TRANK1: variants seen among roughly 807,000 people sequenced by gnomAD.
The protein encoded by TRANK1 is tetratricopeptide repeat and ankyrin repeat containing 1.
A neutral mutation model predicts 266.0 loss-of-function variants in TRANK1; 198 were observed. That is an observed-to-expected ratio of 0.74 (90% CI 0.66 to 0.84). The LOEUF is 0.84. TRANK1 is among the 40% of genes least tolerant of loss of function. The pLI is 0.00. For synonymous variants in TRANK1, 1,396 were observed against 1,384.1 expected (o/e 1.01, Z -0.19); for missense variants, 3,326 against 3,634.6 (o/e 0.92, Z 2.18).
intron 6 of TRANK1, among the ~76,000 whole-genome samples, chr3:36,892,638 G>A (rs1415564592): frequency 6.6e-6 from 1 of 152,122 alleles, no homozygotes; most frequent in Non-Finnish European, 1.5e-5. Context: ...AGACCAGCCA[G>A]GCCAACATGG....
intron 1 of TRANK1, 68 bp from the exon 2 acceptor site, chr3:36,908,522 T>C (rs368313249): frequency 8.1e-7 from 1 of 1,231,984 alleles, no homozygotes; most frequent in East Asian, 3.2e-5. Flanking sequence ...CCGGTCTGCA[T>C]TGCTGAAATC....
At chr3:36,841,750 G>A (rs953635208) in intron 18 of TRANK1, among the ~76,000 whole-genome samples, 28 of 152,176 alleles carry the variant, frequency 1.8e-4, no homozygotes, top group Admixed American at 1.3e-4. Context: ...ACTTGGAACT[G>A]CCACAGGAGC....
chr3:36,916,808 T>TTTTTTTG (rs1553630200), intron 1 of TRANK1, among the ~76,000 whole-genome samples: 3 of 151,916 alleles, frequency 2.0e-5, no homozygotes, highest in Non-Finnish European at 4.4e-5. Context: ...TTTTTGTTTT[T>TTTTTTTG]TTTTTTGTTT....
intron 1 of TRANK1, among the ~76,000 whole-genome samples, chr3:36,915,799 T>C (rs761691947): frequency 2.6e-5 from 4 of 152,208 alleles, no homozygotes; most frequent in Non-Finnish European, 5.9e-5. Flanking sequence ...TCTGTTGGAA[T>C]TGACATTTAA....
At chr3:36,845,343 G>T (rs908302196) in intron 17 of TRANK1, among the ~76,000 whole-genome samples, 7 of 152,158 alleles carry the variant, frequency 4.6e-5, no homozygotes, top group African/African-American at 1.7e-4. Context: ...TGAACTAAGA[G>T]TTCTTACTGT....
chr3:36,831,180 G>C lies in TRANK1; in HGVS notation c.8403C>G (p.Ser2801=). 1 of 1,613,978 alleles carries C rather than the reference G, an allele frequency of 6.2e-7. No individual in the cohort carries two copies. Among genetic ancestry groups the C allele is most frequent in the South Asian group, 1.1e-5 (1 of 91,076 alleles). ...ACTCCTCCCTTTCCAGCTCAGCCCT[G>C]GAAAGGACTGCCACCTCGGAAGCTG... is the stretch of plus-strand genomic sequence containing the variant. ...EGAASEVAVL[S]RAELEREECQ... Residue 2801 remains serine (S), a synonymous_variant, in exon 22 of 24, where the codon TCC becomes TCG. Coordinates refer to ENST00000645898, the MANE Select transcript of TRANK1 (RefSeq NM_001329998.2). The surrounding 1 kb of genome is among the most constrained non-coding windows in gnomAD (Gnocchi z 5.0).
In TRANK1 at chr3:36,831,771, A is replaced by G. The variant is rs374174496; in HGVS notation, c.7812T>C (p.Pro2604=). The change falls in exon 22 of 24, where the codon CCT becomes CCC. Residue 2604 remains proline (P), a synonymous_variant. Coordinates refer to ENST00000645898, the MANE Select transcript of TRANK1 (RefSeq NM_001329998.2). The surrounding 1 kb of genome is among the most constrained non-coding windows in gnomAD (Gnocchi z 5.0). ...SRLQLMSMDC[P]GQVPERLLKV... ...TCAGGAGCCTCTCGGGAACCTGGCC[A>G]GGGCAGTCCATGCTCATGAGCTGCA... 3.4e-5 allele frequency: 55 copies of G among 1,613,948 alleles called. 2 individuals are homozygous for G. The African/African-American group carries it at 6.0e-4, about 18-fold the overall frequency.
chr3:36,867,763 T>C (rs1352682777), intron 9 of TRANK1, among the ~76,000 whole-genome samples: 1 of 152,256 alleles, frequency 6.6e-6, no homozygotes, highest in Non-Finnish European at 1.5e-5. Flanking sequence ...AACTATACTT[T>C]TACAAATTTT....
In TRANK1 at chr3:36,888,145, T is replaced by A. The variant is rs925484986; in HGVS notation, c.907+1684A>T. Reference sequence around the variant, plus strand: ...AACAAAATGTGGTATATTTATACAATAGACTATTATTTGGCAATAAAAAGG... The same window carrying A: ...AACAAAATGTGGTATATTTATACAAAAGACTATTATTTGGCAATAAAAAGG... On this transcript the variant is annotated intron_variant, in intron 8 of 23. Coordinates refer to ENST00000645898, the MANE Select transcript of TRANK1 (RefSeq NM_001329998.2). 7.2e-5 allele frequency among the ~76,000 whole-genome samples: 11 copies of A among 152,318 alleles called. No individual in the cohort carries two copies. In the East Asian group the frequency reaches 1.9e-3, roughly 27 times the overall value.
At chr3:36,936,533 G>A (rs1027342099) in intron 1 of TRANK1, among the ~76,000 whole-genome samples, 6 of 151,724 alleles carry the variant, frequency 4.0e-5, no homozygotes, top group African/African-American at 1.5e-4. Context: ...TCTAAGATAG[G>A]GTTGCCAACA....
intron 3 of TRANK1, among the ~76,000 whole-genome samples, chr3:36,900,504 G>A (rs2079858805): frequency 6.6e-6 from 1 of 152,058 alleles, no homozygotes; most frequent in Admixed American, 6.6e-5. Context: ...ACTCTTGAAT[G>A]GGAATAAAAT....
chr3:36,872,599 C>T (rs914369925), intron 9 of TRANK1, among the ~76,000 whole-genome samples: 4 of 151,686 alleles, frequency 2.6e-5, no homozygotes, highest in African/African-American at 7.3e-5. Context: ...TATAATTTTC[C>T]AAATTAAAAA....
chr3:36,851,933 G>A, intron 14 of TRANK1, 77 bp from the exon 15 acceptor site: 1 of 1,482,652 alleles, frequency 6.7e-7, no homozygotes, highest in East Asian at 2.5e-5. Flanking sequence ...TGGGAGATAG[G>A]TAATGTTTTT....
chr3:36,876,980 C>T (rs759978241), intron 8 of TRANK1, among the ~76,000 whole-genome samples: 13 of 152,162 alleles, frequency 8.5e-5, no homozygotes, highest in Non-Finnish European at 1.8e-4. Flanking sequence ...CCAATGAGAC[C>T]ATTGTAACAA....
intron 1 of TRANK1, among the ~76,000 whole-genome samples, chr3:36,927,390 T>G (rs2080303115): frequency 2.6e-5 from 4 of 152,196 alleles, no homozygotes; most frequent in African/African-American, 4.8e-5. Flanking sequence ...AAGTCTGCCT[T>G]TCTTCATGGT....
intron 1 of TRANK1, among the ~76,000 whole-genome samples, chr3:36,926,284 A>G (rs939058967): frequency 6.6e-5 from 10 of 152,014 alleles, no homozygotes; most frequent in African/African-American, 2.4e-4. Flanking sequence ...CATCCACTCT[A>G]CTCAGTAACA....
Position 36,831,530 on chromosome 3 carries a change from G to T in TRANK1, c.8053C>A (p.Pro2685Thr), listed in dbSNP as rs749635565. The stretch of plus-strand genomic sequence containing the variant: ...TCATCCTGGCCAAACTCACACTCAG[G>T]TTCAGCAAAGTAGTCCACAGGGTCC... ...CLDPVDYFAEPECEFGQDEMD... is the reference protein window; with the variant it reads ...CLDPVDYFAETECEFGQDEMD... Residue 2685 changes from proline to threonine, a missense_variant, in exon 22 of 24, where the codon CCT becomes ACT. Pro to Thr is a conservative substitution (Grantham distance 38). Coordinates refer to ENST00000645898, the MANE Select transcript of TRANK1 (RefSeq NM_001329998.2). This position sits in a 1 kb window ranked among gnomAD's most constrained non-coding sequence, Gnocchi z 5.0. 93 of 1,613,308 alleles carry T rather than the reference G, an allele frequency of 5.8e-5. No homozygotes were observed. Among genetic ancestry groups the T allele is most frequent in the Non-Finnish European group, 7.5e-5 (88 of 1,179,666 alleles).
chr3:36,936,223 G>A (rs552847581), intron 1 of TRANK1, among the ~76,000 whole-genome samples: 12 of 152,322 alleles, frequency 7.9e-5, no homozygotes, highest in African/African-American at 1.9e-4. Flanking sequence ...GGTGGGCCAC[G>A]CCTGTAATCC....
At chr3:36,918,594 GGAAGGAAGGAAGGAAAGAAAGAAA>G (rs2080168185) in intron 1 of TRANK1, among the ~76,000 whole-genome samples, 7 of 64,354 alleles carry the variant, frequency 1.1e-4, no homozygotes, top group African/African-American at 3.3e-4. Context: ...AAGGAAGGAA[GGAAGGAAGGAAGGAAAGAAAGAAA>G]GAAAGAAAGA....
Sources: allele counts gnomAD v4.1 joint callset (sites outside exome capture counted in the v4.1 genomes callset), GRCh38; gene constraint gnomAD v4.1.1; non-coding constraint Gnocchi (gnomAD v3.1); transcripts MANE v1.5; gene names NCBI Gene and HGNC (gene_info 2026-07-23, HGNC 2026-07-21).